IL2RA: variants seen among roughly 807,000 people sequenced by gnomAD.
IL2RA encodes the protein interleukin-2 receptor subunit alpha.
IL2RA carries 24 observed loss-of-function variants against 37.8 expected under a neutral mutation model. The observed-to-expected ratio is 0.63, with a 90% CI of 0.46 to 0.89. The LOEUF (loss-of-function observed/expected upper bound fraction) is 0.89. IL2RA is among the 40% of genes least tolerant of loss of function. IL2RA has a pLI of 0.00. For synonymous variants in IL2RA, 125 were observed against 114.6 expected, an observed-to-expected ratio of 1.09 and a Z score of -0.58; for missense variants, 319 against 348.6, an observed-to-expected ratio of 0.92 and a Z score of 0.68.
chr10:6,049,407 G>A (rs1839912749), intron 1 of IL2RA, among the ~76,000 whole-genome samples: 1 of 152,154 alleles, frequency 6.6e-6, no homozygotes. Flanking sequence ...CAATTCAAAT[G>A]CTAGTGTCTC....
rs990630694 is a variant in IL2RA at position 6,025,378 on chromosome 10, G to A, written c.256+456C>T. On this transcript the variant is annotated intron_variant, in intron 2 of 7. Coordinates refer to ENST00000379959, the MANE Select transcript of IL2RA (RefSeq NM_000417.3). The surrounding 1 kb of genome is among the most constrained non-coding windows in gnomAD (Gnocchi z 4.4). Reference sequence around the variant, plus strand: ...AAAATAAAAATAAAATTGTGTGGCCGGGCACTGTGACTCATGCCTGTAATC... The same window carrying A: ...AAAATAAAAATAAAATTGTGTGGCCAGGCACTGTGACTCATGCCTGTAATC... 5.9e-5 allele frequency among the ~76,000 whole-genome samples: 9 copies of A among 151,394 alleles called. No homozygotes were observed. Among genetic ancestry groups the A allele is most frequent in the South Asian group, 4.2e-4 (2 of 4,804 alleles).
rs1405497934 is a variant in IL2RA, at chr10:6,028,375, A to C, written c.65-2350T>G. ...GGCTGAGAGAAGAAGAGTTATGCTAAGTTTTATTTATAAAAACAGGTGTCT... is the reference window on the plus strand; with the variant it reads ...GGCTGAGAGAAGAAGAGTTATGCTACGTTTTATTTATAAAAACAGGTGTCT... On this transcript the variant is annotated intron_variant, in intron 1 of 7. Transcript: ENST00000379959. This position sits in a 1 kb window ranked among gnomAD's most constrained non-coding sequence, Gnocchi z 4.1. 6.6e-6 allele frequency among the ~76,000 whole-genome samples: 1 copy of C among 152,206 alleles called. No individual in the cohort carries two copies. Among genetic ancestry groups the C allele is most frequent in the Non-Finnish European group, 1.5e-5 (1 of 68,026 alleles).
At chr10:6,024,183 T>G in intron 3 of IL2RA, 61 bp downstream of exon 3, 1 of 1,098,238 alleles carries the variant, frequency 9.1e-7, no homozygotes, top group Non-Finnish European at 1.4e-6. Context: ...GTACACATCA[T>G]CTGCCTGCAG....
Position 6,044,285 on chromosome 10 carries a change from T to C in IL2RA, c.64+17803A>G, listed in dbSNP as rs1839816273. Reference sequence around the variant, plus strand: ...AGTGGTAGAATAAAAGAAAACAGCTTTATTGAAGTGGCAATGTTATAGTTC... The same window carrying C: ...AGTGGTAGAATAAAAGAAAACAGCTCTATTGAAGTGGCAATGTTATAGTTC... On this transcript the variant is annotated intron_variant, in intron 1 of 7. Transcript: ENST00000379959. The surrounding 1 kb of genome is among the most constrained non-coding windows in gnomAD (Gnocchi z 4.5). Among the ~76,000 whole-genome samples the C allele has an allele frequency of 6.6e-6, 1 of 152,238 alleles. No homozygotes were observed. The highest frequency in any genetic ancestry group is 1.5e-5 in the Non-Finnish European group (1 of 68,038).
chr10:6,022,858 T>C lies in IL2RA; in HGVS notation c.368-1165A>G, dbSNP rs1839410748. Among the ~76,000 whole-genome samples, 1 of 86,758 alleles carries C rather than the reference T, an allele frequency of 1.2e-5. No individual in the cohort carries two copies. The highest frequency in any genetic ancestry group is 3.0e-5 in the African/African-American group (1 of 33,778). 56.9% of individuals were successfully genotyped at this position (86,758 alleles called of 152,430 possible). ...GGCCTCTTTGAAGCCTTCCAATAAC[T>C]GTGCAGGGTGATATGGGGGAAGTAG... On this transcript the variant is annotated intron_variant, in intron 3 of 7. Transcript: ENST00000379959. This position sits in a 1 kb window ranked among gnomAD's most constrained non-coding sequence, Gnocchi z 4.7.
Position 6,029,314 on chromosome 10 carries a change from G to A in IL2RA, c.65-3289C>T, listed in dbSNP as rs41294701. 0.022 allele frequency among the ~76,000 whole-genome samples: 3,306 copies of A among 151,886 alleles called. 183 individuals are homozygous for A. Among genetic ancestry groups the A allele is most frequent in the East Asian group, 0.18 (909 of 5,126 alleles). On this transcript the variant is annotated intron_variant, in intron 1 of 7. Transcript: ENST00000379959. The surrounding 1 kb of genome is among the most constrained non-coding windows in gnomAD (Gnocchi z 4.6). Reference sequence around the variant, plus strand: ...CAAGTAGCTGGGATTATAGGTGTGCGCCAACACGTCTGGCTACTTTTTGTG... The same window carrying A: ...CAAGTAGCTGGGATTATAGGTGTGCACCAACACGTCTGGCTACTTTTTGTG...
chr10:6,024,912 G>T (rs1839455680), intron 2 of IL2RA, among the ~76,000 whole-genome samples: 1 of 152,178 alleles, frequency 6.6e-6, no homozygotes, highest in Admixed American at 6.5e-5. Context: ...AGTGAGGGGG[G>T]TGATCAGTAT....
intron 1 of IL2RA, among the ~76,000 whole-genome samples, chr10:6,040,388 C>T (rs763148248): frequency 4.6e-5 from 7 of 152,110 alleles, no homozygotes; most frequent in Non-Finnish European, 7.4e-5. Context: ...TAGATTATAA[C>T]GGATTTCAAT....
At chr10:6,024,195 A>G in intron 3 of IL2RA, 49 bp downstream of exon 3, 1 of 1,219,180 alleles carries the variant, frequency 8.2e-7, no homozygotes, top group East Asian at 2.3e-5. Context: ...TGCCTGCAGG[A>G]GAAGGGTGCG....
intron 1 of IL2RA, among the ~76,000 whole-genome samples, chr10:6,038,371 C>T (rs969149912): frequency 3.9e-5 from 6 of 152,158 alleles, no homozygotes; most frequent in African/African-American, 1.4e-4. Context: ...GGGCCCAGGC[C>T]CTCCATTTGG....
At position 6,020,012 on chromosome 10, in the gene IL2RA, C is replaced by T; in HGVS notation, c.584-71G>A. 7.5e-7 allele frequency: 1 copy of T among 1,336,382 alleles called. No homozygotes were observed. Among genetic ancestry groups the T allele is most frequent in the Non-Finnish European group, 1.1e-6 (1 of 928,592 alleles). The allele number at this position is 1,336,382 out of a possible 1,614,324, so 82.8% of individuals were successfully genotyped here. On this transcript the variant is annotated intron_variant, in intron 4 of 7. Transcript: ENST00000379959. This position sits in a 1 kb window ranked among gnomAD's most constrained non-coding sequence, Gnocchi z 5.6. ...CAGGGCCTCACTCCCACCCCGCCTGCCCCAGGCAGCCGGCCCCAGACACGC... is the reference window on the plus strand; with the variant it reads ...CAGGGCCTCACTCCCACCCCGCCTGTCCCAGGCAGCCGGCCCCAGACACGC...
rs1840128896 is a variant in IL2RA, at chr10:6,062,019, G to T, written c.64+69C>A. ...ACCATCTACCTGGGGACTCCCTCTG[G>T]TTCTGTGGCTGGGAAGAGGGATGCC... On this transcript the variant is annotated intron_variant, in intron 1 of 7. Transcript: ENST00000379959. The T allele has an allele frequency of 5.4e-6, 7 of 1,299,784 alleles. No homozygotes were observed. The South Asian group carries it at 8.3e-5, about 15-fold the overall frequency. 80.5% of individuals were successfully genotyped at this position (1,299,784 alleles called of 1,614,324 possible).
intron 1 of IL2RA, among the ~76,000 whole-genome samples, chr10:6,045,544 G>A (rs1365692926): frequency 6.6e-6 from 1 of 152,082 alleles, no homozygotes; most frequent in Non-Finnish European, 1.5e-5. Flanking sequence ...TTAACCACAA[G>A]CTCACCACAG....
Position 6,062,078 on chromosome 10 carries a change from A to G in IL2RA, c.64+10T>C. The G allele has an allele frequency of 6.2e-7, 1 of 1,612,282 alleles. No individual in the cohort carries two copies. The highest frequency in any genetic ancestry group is 2.2e-5 in the East Asian group (1 of 44,854). The stretch of plus-strand genomic sequence containing the variant: ...TTCCCGGAATTCCGGGGGCACCCAC[A>G]GGCCCTTACCTGCCTGGCAGCCAGG... On this transcript the variant is annotated intron_variant, in intron 1 of 7. Coordinates refer to ENST00000379959, the MANE Select transcript of IL2RA (RefSeq NM_000417.3).
intron 1 of IL2RA, among the ~76,000 whole-genome samples, chr10:6,045,987 G>A (rs1482987263): frequency 5.3e-5 from 8 of 152,134 alleles, no homozygotes; most frequent in African/African-American, 9.7e-5. Flanking sequence ...GGTGAGGGCC[G>A]GTCCTGTTAA....
rs202060940 is a variant in IL2RA, at chr10:6,018,409, C to A, written c.728-290G>T. Among the ~76,000 whole-genome samples, 7 of 152,214 alleles carry A rather than the reference C, an allele frequency of 4.6e-5. No individual in the cohort carries two copies. The highest frequency in any genetic ancestry group is 1.7e-4 in the African/African-American group (7 of 41,526). On this transcript the variant is annotated intron_variant, in intron 6 of 7. Coordinates refer to ENST00000379959, the MANE Select transcript of IL2RA (RefSeq NM_000417.3). This position sits in a 1 kb window ranked among gnomAD's most constrained non-coding sequence, Gnocchi z 5.1. ...GAGGCCAGGCCTCGTTTAAGGACACCGAGAGCGCCTGGTAAAAGAAATGTT... is the reference window on the plus strand; with the variant it reads ...GAGGCCAGGCCTCGTTTAAGGACACAGAGAGCGCCTGGTAAAAGAAATGTT...
chr10:6,034,702 G>C (rs1839652393), intron 1 of IL2RA, among the ~76,000 whole-genome samples: 1 of 151,924 alleles, frequency 6.6e-6, no homozygotes, highest in Non-Finnish European at 1.5e-5. Flanking sequence ...CAGCTAACAA[G>C]GGCTTTTCTC....
rs1839521075 is a variant in IL2RA, at chr10:6,028,653, A to T, written c.65-2628T>A. On this transcript the variant is annotated intron_variant, in intron 1 of 7. Transcript: ENST00000379959. This position sits in a 1 kb window ranked among gnomAD's most constrained non-coding sequence, Gnocchi z 4.1. ...TAAAAGAAAATCTAGACATGTGAAG[A>T]AACAGGAAAATGTGACATACTTGAC... 6.6e-6 allele frequency among the ~76,000 whole-genome samples: 1 copy of T among 152,216 alleles called. No homozygotes were observed. Among genetic ancestry groups the T allele is most frequent in the Admixed American group, 6.5e-5 (1 of 15,286 alleles).
intron 1 of IL2RA, among the ~76,000 whole-genome samples, chr10:6,042,148 C>CAAAAAAAAAAAAAA (rs57093239): frequency 0.043 from 2,309 of 54,094 alleles, 724 homozygotes; most frequent in East Asian, 0.078. Context: ...ATGTATTAAG[C>CAAAAAAAAAAAAAA]AAAAAAAAAA....
Sources: allele counts gnomAD v4.1 joint callset (sites outside exome capture counted in the v4.1 genomes callset), GRCh38; gene constraint gnomAD v4.1.1; non-coding constraint Gnocchi (gnomAD v3.1); transcripts MANE v1.5; gene names NCBI Gene and HGNC (gene_info 2026-07-23, HGNC 2026-07-21).